The following PLEKHD1 variants were observed in gnomAD, a reference collection of about 807,000 sequenced individuals.
PLEKHD1 encodes the protein pleckstrin homology domain-containing family D member 1.
In PLEKHD1, 51 loss-of-function variants were observed where a neutral mutation model predicts 69.2. That is an observed-to-expected ratio of 0.74 (90% confidence interval 0.59 to 0.93). PLEKHD1 has a LOEUF of 0.93. PLEKHD1 is among the 40% of genes least tolerant of loss of function. The pLI is 0.00. For synonymous variants in PLEKHD1, 236 were observed against 244.7 expected (o/e 0.96, Z 0.33); for missense variants, 584 against 641.0 (o/e 0.91, Z 0.96).
the PLEKHD1 span, among the ~76,000 whole-genome samples, chr14:69,471,993 G>A: frequency 3.3e-5 from 5 of 152,146 alleles, no homozygotes; most frequent in African/African-American, 1.2e-4. Context: ...GTGAGAAAAT[G>A]TTTCACACGT....
At chr14:69,509,445 C>T (rs1309214235) in intron 6 of PLEKHD1, among the ~76,000 whole-genome samples, 2 of 152,110 alleles carry the variant, frequency 1.3e-5, no homozygotes, top group Non-Finnish European at 2.9e-5. Flanking sequence ...TTTTCATCAC[C>T]TTGATAAAAA....
chr14:69,503,367 G>C (rs1241408922), intron 6 of PLEKHD1: 1 of 171,098 alleles, frequency 5.8e-6, no homozygotes, highest in African/African-American at 2.4e-5. Flanking sequence ...GTGAAGGAGG[G>C]GAGCCACCGA....
At chr14:69,526,513 G>A (rs144873376) in intron 9 of PLEKHD1, among the ~76,000 whole-genome samples, 184 bp from the exon 10 acceptor site, 99 of 152,138 alleles carry the variant, frequency 6.5e-4, no homozygotes, top group Middle Eastern at 3.4e-3. Flanking sequence ...CTAAACCTAG[G>A]GCTCCCAGCA....
intron 8 of PLEKHD1, among the ~76,000 whole-genome samples, chr14:69,525,420 G>C (rs1365332992): frequency 6.6e-6 from 1 of 151,948 alleles, no homozygotes; most frequent in African/African-American, 2.4e-5. Context: ...CTGCTTCTGT[G>C]TAATGCCATT....
the PLEKHD1 span, among the ~76,000 whole-genome samples, chr14:69,476,976 C>T: frequency 9.1e-3 from 1,373 of 151,512 alleles, 28 homozygotes; most frequent in African/African-American, 0.031. Flanking sequence ...AGGGCTTGGG[C>T]GGGGAAACTC....
chr14:69,471,298 A>T, the PLEKHD1 span, among the ~76,000 whole-genome samples: 1 of 151,204 alleles, frequency 6.6e-6, no homozygotes, highest in Non-Finnish European at 1.5e-5. Context: ...TTTTGTAGAG[A>T]TGGGGTCTCC....
At chr14:69,498,260 G>A (rs992802963) in intron 1 of PLEKHD1, among the ~76,000 whole-genome samples, 1 of 151,682 alleles carries the variant, frequency 6.6e-6, no homozygotes, top group Admixed American at 6.6e-5. Context: ...TGTATTTTTA[G>A]TAGAGACAGA....
chr14:69,489,585 A>T (rs996221942), intron 1 of PLEKHD1, among the ~76,000 whole-genome samples: 1 of 146,386 alleles, frequency 6.8e-6, no homozygotes, highest in Middle Eastern at 3.2e-3. Context: ...AAAAAAAGGA[A>T]AAAAAAAGAA....
the PLEKHD1 span, among the ~76,000 whole-genome samples, chr14:69,472,366 C>T: frequency 6.6e-6 from 1 of 152,094 alleles, no homozygotes; most frequent in African/African-American, 2.4e-5. Context: ...ATGCTCTTCC[C>T]CCTCCTTCAA....
At position 69,520,166 on chromosome 14, in the gene PLEKHD1, C is replaced by CAA. The variant is rs761343645; in HGVS notation, c.556-2088_556-2087dup. Among the ~76,000 whole-genome samples, 127 of 20,466 alleles carry CAA rather than the reference C, an allele frequency of 6.2e-3. 3 individuals carry two copies. Among genetic ancestry groups the CAA allele is most frequent in the African/African-American group, 9.3e-3 (60 of 6,486 alleles). The allele number at this position is 20,466 out of a possible 152,430, so 13.4% of individuals were successfully genotyped here. A position where few individuals can be genotyped will look rare whatever the true frequency, so the allele number is the denominator to read the frequency against. On this transcript the variant is annotated intron_variant, in intron 6 of 12. Transcript: ENST00000322564. ...TGGGTGACAGAGCGAGACTCTGTCT[C>CAA]AAAAAAAAAAAAAAAAAAAAAAAAA... is the stretch of plus-strand genomic sequence containing the variant.
intron 6 of PLEKHD1, among the ~76,000 whole-genome samples, chr14:69,511,609 G>T (rs1441551253): frequency 6.6e-6 from 1 of 151,922 alleles, no homozygotes; most frequent in Non-Finnish European, 1.5e-5. Flanking sequence ...GAGTGCAGTG[G>T]CACCATCTCA....
chr14:69,523,903 T>A (rs1429428667), intron 7 of PLEKHD1, among the ~76,000 whole-genome samples: 1 of 152,192 alleles, frequency 6.6e-6, no homozygotes, highest in Non-Finnish European at 1.5e-5. Context: ...TTCTAGCAAG[T>A]GCTGTCCAGA....
chr14:69,522,646 C>G (rs531483505), intron 7 of PLEKHD1, among the ~76,000 whole-genome samples: 1 of 152,140 alleles, frequency 6.6e-6, no homozygotes, highest in Non-Finnish European at 1.5e-5. Flanking sequence ...GCCACAAAGC[C>G]CCCTGCCTTC....
At chr14:69,501,079 G>C in intron 4 of PLEKHD1, 132 bp downstream of exon 4, 2 of 939,148 alleles carry the variant, frequency 2.1e-6, no homozygotes, top group South Asian at 1.5e-5. Context: ...GGCTAGGGTA[G>C]GGGAGAGCAG....
intron 1 of PLEKHD1, among the ~76,000 whole-genome samples, chr14:69,485,620 G>C (rs1882639466): frequency 6.6e-6 from 1 of 152,212 alleles, no homozygotes; most frequent in Non-Finnish European, 1.5e-5. Flanking sequence ...GGCTAAGGAG[G>C]GAGGAAGGGC....
chr14:69,482,842 G>A (rs1306092459), upstream of PLEKHD1, among the ~76,000 whole-genome samples: 2 of 150,556 alleles, frequency 1.3e-5, no homozygotes, highest in Admixed American at 6.7e-5. Flanking sequence ...GATCACTTGT[G>A]GCCAGGAATT....
At chr14:69,516,343 AC>A (rs35821184) in intron 6 of PLEKHD1, among the ~76,000 whole-genome samples, 46,338 of 151,892 alleles carry the variant, frequency 0.31, 8,601 homozygotes, top group Non-Finnish European at 0.43. Flanking sequence ...CTGTCACCAA[AC>A]TTTTTGGTGC....
At chr14:69,491,329 A>G (rs1233617263) in intron 1 of PLEKHD1, among the ~76,000 whole-genome samples, 1 of 152,120 alleles carries the variant, frequency 6.6e-6, no homozygotes, top group Non-Finnish European at 1.5e-5. Flanking sequence ...ACAGAATTGC[A>G]AACATCTTCA....
At chr14:69,470,347 C>T in the PLEKHD1 span, among the ~76,000 whole-genome samples, 3 of 151,556 alleles carry the variant, frequency 2.0e-5, no homozygotes, top group Non-Finnish European at 2.9e-5. Flanking sequence ...CTTGCAGTCC[C>T]AGCTACTCGG....
Sources: gnomAD v4.1 joint callset for allele counts (sites outside exome capture counted in the v4.1 genomes callset) on GRCh38, gnomAD v4.1.1 for gene constraint, MANE v1.5 for transcripts, NCBI Gene and HGNC (gene_info 2026-07-23, HGNC 2026-07-21) for gene names.